Variants in TCF20 observed in about 807,000 individuals in gnomAD.
The protein encoded by TCF20 is SPRE-binding protein.
TCF20 carries 3 observed loss-of-function variants against 148.6 expected under a neutral mutation model. The observed-to-expected ratio is 0.02, with a 90% CI of 0.01 to 0.05. The LOEUF (loss-of-function observed/expected upper bound fraction) is 0.05. Among genes scored for constraint, TCF20 ranks in the 10% least tolerant of loss-of-function variants. The pLI is 1.00. For missense variants in TCF20, 2,350 were observed against 2,429.3 expected (o/e 0.97, Z 0.69); for synonymous variants, 1,049 against 909.5 (o/e 1.15, Z -2.76).
intron 1 of TCF20, among the ~76,000 whole-genome samples, chr22:42,227,874 G>A (rs1265452740): frequency 6.6e-6 from 1 of 152,192 alleles, no homozygotes; most frequent in Non-Finnish European, 1.5e-5. Flanking sequence ...CACTACTGCT[G>A]ATATTTACCA....
chr22:42,255,771 C>A (rs1925707187), intron 1 of TCF20, among the ~76,000 whole-genome samples: 2 of 152,046 alleles, frequency 1.3e-5, no homozygotes, highest in Admixed American at 1.3e-4. Flanking sequence ...CTTCCCACCA[C>A]CATCTCTCCT....
At chr22:42,286,427 G>C (rs1047089278), upstream of TCF20, among the ~76,000 whole-genome samples, 3 of 152,192 alleles carry the variant, frequency 2.0e-5, no homozygotes, top group Non-Finnish European at 4.4e-5. Flanking sequence ...GTGTGACCTT[G>C]AGTAAGTTCC....
intron 1 of TCF20, among the ~76,000 whole-genome samples, chr22:42,319,261 G>A (rs1174133289): frequency 2.0e-5 from 3 of 152,174 alleles, no homozygotes; most frequent in Non-Finnish European, 4.4e-5. Context: ...CATACAGCAT[G>A]GGGAAGAGTA....
chr22:42,267,809 T>C (rs972385882), intron 1 of TCF20, among the ~76,000 whole-genome samples: 1 of 152,164 alleles, frequency 6.6e-6, no homozygotes, highest in African/African-American at 2.4e-5. Context: ...ACTCTGCCCC[T>C]ATGCTGGGAT....
At chr22:42,191,348 G>A in intron 2 of TCF20, among the ~76,000 whole-genome samples, 1 of 152,104 alleles carries the variant, frequency 6.6e-6, no homozygotes, top group East Asian at 1.9e-4. Flanking sequence ...GGAGTACAGT[G>A]ACGAGATCTT....
intron 1 of TCF20, among the ~76,000 whole-genome samples, chr22:42,303,465 G>A (rs1481145939): frequency 1.3e-5 from 2 of 152,240 alleles, no homozygotes; most frequent in South Asian, 2.1e-4. Flanking sequence ...CTCTGCAGTC[G>A]AGCTCTGTAA....
intron 1 of TCF20, among the ~76,000 whole-genome samples, chr22:42,233,983 CCT>C (rs368248527): frequency 6.6e-6 from 1 of 152,116 alleles, no homozygotes. Flanking sequence ...ACTTTCAATG[CCT>C]CTAGCCCTTG....
At chr22:42,198,980 C>A (rs1486696141) in intron 2 of TCF20, among the ~76,000 whole-genome samples, 1 of 152,052 alleles carries the variant, frequency 6.6e-6, no homozygotes, top group African/African-American at 2.4e-5. Flanking sequence ...CAAATATTTC[C>A]AATCTGCTGT....
chr22:42,186,788 AAC>A (rs766405491), intron 2 of TCF20, among the ~76,000 whole-genome samples: 3 of 152,238 alleles, frequency 2.0e-5, no homozygotes, highest in Admixed American at 6.5e-5. Flanking sequence ...TACAAACTAA[AAC>A]TATTTTTAAA....
intron 2 of TCF20, among the ~76,000 whole-genome samples, chr22:42,184,188 ATC>A (rs1172963037): frequency 6.6e-6 from 1 of 152,188 alleles, no homozygotes; most frequent in East Asian, 1.9e-4. Flanking sequence ...TGTCTTCGAC[ATC>A]TGTTTTTCTT....
At chr22:42,311,276 A>G (rs570275447) in intron 1 of TCF20, among the ~76,000 whole-genome samples, 8 of 152,344 alleles carry the variant, frequency 5.3e-5, no homozygotes, top group Non-Finnish European at 1.2e-4. Context: ...TAAGTGCTTC[A>G]TCTCCTGGCA....
At chr22:42,265,687 G>A (rs1219488804) in intron 1 of TCF20, among the ~76,000 whole-genome samples, 1 of 152,206 alleles carries the variant, frequency 6.6e-6, no homozygotes, top group Non-Finnish European at 1.5e-5. Context: ...AAGTCCCCAT[G>A]AGTAAGAAGG....
chr22:42,281,087 C>G lies in TCF20; in HGVS notation c.-37+2740G>C, dbSNP rs147850239. Among the ~76,000 whole-genome samples, 448 of 152,288 alleles carry G rather than the reference C, an allele frequency of 2.9e-3. 2 individuals carry two copies. The highest frequency in any genetic ancestry group is 0.01 in the African/African-American group (423 of 41,552). On this transcript the variant is annotated intron_variant, in intron 1 of 5. Transcript: ENST00000359486. ...CCTCCAGTCATCTCGGGGTCCCAGG[C>G]TGGAGGAGCTGCTCCTGAACCCTTC...
chr22:42,268,479 A>G (rs1941647671), intron 1 of TCF20, among the ~76,000 whole-genome samples: 1 of 152,240 alleles, frequency 6.6e-6, no homozygotes, highest in Non-Finnish European at 1.5e-5. Flanking sequence ...ACCATTTCAC[A>G]GGAGATGTTA....
chr22:42,174,841 C>T (rs953225843), intron 3 of TCF20, among the ~76,000 whole-genome samples: 1 of 152,036 alleles, frequency 6.6e-6, no homozygotes, highest in Non-Finnish European at 1.5e-5. Context: ...CGAGACCATC[C>T]CGGCTAACAC....
intron 1 of TCF20, chr22:42,278,092 G>A (rs1926819073): frequency 6.6e-6 from 1 of 152,410 alleles, no homozygotes; most frequent in Middle Eastern, 3.4e-3. Flanking sequence ...CCACGACTCA[G>A]GGAGCCCTTG....
intron 2 of TCF20, among the ~76,000 whole-genome samples, chr22:42,192,371 T>C (rs1351878204): frequency 2.0e-5 from 3 of 152,230 alleles, no homozygotes; most frequent in African/African-American, 7.2e-5. Flanking sequence ...TTTTTACTCC[T>C]TTCTTCCTAC....
At chr22:42,233,914 C>G (rs377714331) in intron 1 of TCF20, among the ~76,000 whole-genome samples, 1 of 152,146 alleles carries the variant, frequency 6.6e-6, no homozygotes, top group African/African-American at 2.4e-5. Flanking sequence ...AGCTACCTAA[C>G]TTGTTATTAA....
intron 1 of TCF20, among the ~76,000 whole-genome samples, chr22:42,219,789 G>A (rs1922185743): frequency 6.6e-6 from 1 of 152,108 alleles, no homozygotes; most frequent in Non-Finnish European, 1.5e-5. Flanking sequence ...CTCGGAGGCA[G>A]AGGTTGCAGT....
Sources: allele counts gnomAD v4.1 joint callset (sites outside exome capture counted in the v4.1 genomes callset), GRCh38; gene constraint gnomAD v4.1.1; transcripts MANE v1.5; gene names NCBI Gene and HGNC (gene_info 2026-07-23, HGNC 2026-07-21).